Variants in LRP2BP observed in about 807,000 individuals in gnomAD.
LRP2BP encodes LRP2 binding protein.
In LRP2BP, 38 loss-of-function variants were observed where a neutral mutation model predicts 45.2. The ratio of observed to expected loss-of-function variants is 0.84; its 90% CI spans 0.65 to 1.10. LRP2BP has a LOEUF of 1.10. LRP2BP is among the 50% of genes least tolerant of loss of function. The pLI is 0.00. For synonymous variants in LRP2BP, 153 were observed against 153.9 expected (o/e 0.99, Z 0.04); for missense variants, 385 against 418.9 (o/e 0.92, Z 0.71).
At chr4:185,380,145 T>C (rs2095451485) in intron 1 of LRP2BP, among the ~76,000 whole-genome samples, 1 of 152,204 alleles carries the variant, frequency 6.6e-6, no homozygotes, top group South Asian at 2.1e-4. Flanking sequence ...ATTGCCTTTT[T>C]GATGGATTTA....
At position 185,370,954 on chromosome 4, in the gene LRP2BP, G is replaced by T. The variant is rs145578803; in HGVS notation, c.804-140C>A. On this transcript the variant is annotated intron_variant, in intron 7 of 8. Coordinates refer to ENST00000505916, the MANE Select transcript of LRP2BP (RefSeq NM_001377440.1). ...AGAACTAAGTTGTTTGCTGTGTGGG[G>T]AAGGGTCCATGTAGGCACCTCATAC... is the stretch of plus-strand genomic sequence containing the variant. 4,318 of 888,002 alleles carry T rather than the reference G, an allele frequency of 4.9e-3. 132 individuals carry two copies. In the African/African-American group the frequency reaches 0.063, roughly 13 times the overall value. The allele number at this position is 888,002 out of a possible 1,614,324, so 55.0% of individuals were successfully genotyped here.
intron 7 of LRP2BP, among the ~76,000 whole-genome samples, chr4:185,372,042 G>A (rs542054696): frequency 5.5e-4 from 83 of 152,236 alleles, no homozygotes; most frequent in African/African-American, 1.8e-3. Flanking sequence ...GGAGCCTTAC[G>A]GACTCCGAGA....
chr4:185,396,707 C>T, upstream of LRP2BP: 1 of 580,096 alleles, frequency 1.7e-6, no homozygotes, highest in Non-Finnish European at 3.1e-6. Flanking sequence ...TACGTGCGGC[C>T]GTGGCGGGGC....
rs147878543 is a variant in LRP2BP at position 185,365,925 on chromosome 4, C to T, written c.*1255G>A. 4.0e-4 allele frequency: 61 copies of T among 152,244 alleles called. No homozygotes were observed. The highest frequency in any genetic ancestry group is 1.5e-3 in the African/African-American group (61 of 41,554). 9.4% of individuals were successfully genotyped at this position (152,244 alleles called of 1,614,324 possible). A position where few individuals can be genotyped will look rare whatever the true frequency, so the allele number is the denominator to read the frequency against. On this transcript the variant is annotated 3_prime_UTR_variant, in exon 9 of 9. Transcript: ENST00000505916. ...TTCAGGCAATACAGACAAGCCAGAA[C>T]ATAAAACGAGAGCAAATACTTTTCT...
At chr4:185,381,028 T>C (rs376224417) in intron 1 of LRP2BP, among the ~76,000 whole-genome samples, 2 of 152,186 alleles carry the variant, frequency 1.3e-5, no homozygotes, top group African/African-American at 4.8e-5. Context: ...AACACATCCA[T>C]GTAACTAGCT....
At chr4:185,372,431 C>T (rs2095419127) in intron 7 of LRP2BP, among the ~76,000 whole-genome samples, 1 of 152,206 alleles carries the variant, frequency 6.6e-6, no homozygotes, top group African/African-American at 2.4e-5. Flanking sequence ...AGACACATTT[C>T]AAGTGCTCAA....
In LRP2BP at chr4:185,378,165, A is replaced by G. The variant is rs151212204; in HGVS notation, c.22T>C (p.Leu8=). Residue 8 remains leucine, a synonymous_variant, in exon 2 of 9, where the codon TTG becomes CTG. Transcript: ENST00000505916. ...GAGGCATAAAAGGGGTTCTTGGGCA[A>G]CTTTTCACTGGTCAACTTCATCCTT... is the stretch of plus-strand genomic sequence containing the variant. The part of the protein sequence containing the change: MKLTSEK[L]PKNPFYASVS... 3.0e-4 allele frequency: 485 copies of G among 1,614,106 alleles called. 2 individuals carry two copies. The African/African-American group carries it at 5.9e-3, about 20-fold the overall frequency.
chr4:185,397,000 T>A, upstream of LRP2BP: 1 of 1,612,270 alleles, frequency 6.2e-7, no homozygotes, highest in Non-Finnish European at 8.5e-7. Flanking sequence ...AGGCTCAAGC[T>A]TCTAGATTCG....
chr4:185,381,191 C>T (rs1162077880), intron 1 of LRP2BP, among the ~76,000 whole-genome samples: 1 of 152,110 alleles, frequency 6.6e-6, no homozygotes, highest in African/African-American at 2.4e-5. Context: ...TGGAATCATA[C>T]AGTGTGTAAT....
chr4:185,377,550 G>C (rs965555375), intron 2 of LRP2BP: 1 of 165,818 alleles, frequency 6.0e-6, no homozygotes, highest in African/African-American at 2.4e-5. Context: ...AACAATACTT[G>C]TTGATTGGTT....
intron 1 of LRP2BP, among the ~76,000 whole-genome samples, chr4:185,387,280 G>C (rs1580008645): frequency 6.6e-6 from 1 of 152,150 alleles, no homozygotes; most frequent in Admixed American, 6.5e-5. Context: ...TTATGTGCAG[G>C]TATATAAGGC....
Position 185,371,267 on chromosome 4 carries a change from C to T in LRP2BP, c.804-453G>A, listed in dbSNP as rs143051811. Among the ~76,000 whole-genome samples the T allele has an allele frequency of 2.0e-3, 307 of 152,194 alleles. 1 individual carries two copies. The highest frequency in any genetic ancestry group is 6.9e-3 in the African/African-American group (288 of 41,544). On this transcript the variant is annotated intron_variant, in intron 7 of 8. Coordinates refer to ENST00000505916, the MANE Select transcript of LRP2BP (RefSeq NM_001377440.1). ...TTAAAAATAGACAATTGGCTGGGCG[C>T]GGTGGCTCACGCCTGTAATCCCAGC...
intron 1 of LRP2BP, among the ~76,000 whole-genome samples, chr4:185,389,079 C>T (rs913253488): frequency 6.6e-6 from 1 of 151,994 alleles, no homozygotes; most frequent in African/African-American, 2.4e-5. Flanking sequence ...AGGGTTTCAC[C>T]ATGTTGGCCA....
At position 185,373,013 on chromosome 4, in the gene LRP2BP, T is replaced by G. The variant is rs146735040; in HGVS notation, c.646A>C (p.Met216Leu). Residue 216 changes from methionine to leucine, a missense_variant, in exon 7 of 9, where the codon ATG becomes CTG. Coordinates refer to ENST00000505916, the MANE Select transcript of LRP2BP (RefSeq NM_001377440.1). ...CGGATGCCTTGTCCATACAAGTACA[T>G]GAGCCCAAGTGCACCCTGGGACTCC... ...NLESQGALGL[M>L]YLYGQGIRQD... 7.2e-5 allele frequency: 116 copies of G among 1,613,736 alleles called. No individual in the cohort carries two copies. In the African/African-American group the frequency reaches 1.5e-3, roughly 20 times the overall value.
At position 185,378,193 on chromosome 4, in the gene LRP2BP, T is replaced by C. The variant is rs2095444528; in HGVS notation, c.-7A>G. 1.2e-6 allele frequency: 2 copies of C among 1,613,600 alleles called. No homozygotes were observed. The highest frequency in any genetic ancestry group is 1.1e-5 in the South Asian group (1 of 90,958). ...TTTCACTGGTCAACTTCATCCTTTT[T>C]CTGCAATGTGTATTCTATAAGCAAG... On this transcript the variant is annotated 5_prime_UTR_variant, in exon 2 of 9. Coordinates refer to ENST00000505916, the MANE Select transcript of LRP2BP (RefSeq NM_001377440.1).
intron 1 of LRP2BP, among the ~76,000 whole-genome samples, chr4:185,380,183 TTTA>T (rs2095451632): frequency 6.6e-6 from 1 of 150,726 alleles, no homozygotes; most frequent in African/African-American, 2.5e-5. Flanking sequence ...TGACTAGATA[TTTA>T]TTATGTTTTG....
intron 8 of LRP2BP, among the ~76,000 whole-genome samples, chr4:185,367,858 T>G (rs1379683107): frequency 6.6e-6 from 1 of 152,180 alleles, no homozygotes; most frequent in Non-Finnish European, 1.5e-5. Context: ...TGTGTTTTTC[T>G]TTGTTTCCTG....
At chr4:185,378,872 G>A (rs1402855670) in intron 1 of LRP2BP, 39 of 985,308 alleles carry the variant, frequency 4.0e-5, no homozygotes, top group Non-Finnish European at 4.7e-5. Context: ...GCATTCCACT[G>A]TTATGGCTTA....
chr4:185,373,290 T>C (rs1449664444), intron 6 of LRP2BP, among the ~76,000 whole-genome samples: 1 of 152,132 alleles, frequency 6.6e-6, no homozygotes, highest in Non-Finnish European at 1.5e-5. Context: ...ACAGTGCAGG[T>C]GAGATCACAG....
Sources: gnomAD v4.1 joint callset for allele counts (sites outside exome capture counted in the v4.1 genomes callset) on GRCh38, gnomAD v4.1.1 for gene constraint, MANE v1.5 for transcripts, NCBI Gene and HGNC (gene_info 2026-07-23, HGNC 2026-07-21) for gene names.